The following CEP72 variants were observed in gnomAD, a reference collection of about 807,000 sequenced individuals.
The protein encoded by CEP72 is centrosomal protein 72.
CEP72 carries 78 observed loss-of-function variants against 65.7 expected under a neutral mutation model. The ratio of observed to expected loss-of-function variants is 1.19; its 90% CI spans 0.99 to 1.43. The LOEUF (loss-of-function observed/expected upper bound fraction) is 1.43, where lower values mean the gene tolerates loss of function less well. CEP72 is among the 40% of genes most tolerant of loss of function. CEP72 has a pLI of 0.00. For synonymous variants in CEP72, 358 were observed against 351.7 expected (o/e 1.02, Z -0.20); for missense variants, 914 against 832.9 (o/e 1.10, Z -1.20).
the CEP72 span, among the ~76,000 whole-genome samples, chr5:673,388 G>A: frequency 6.6e-6 from 1 of 152,162 alleles, no homozygotes; most frequent in Non-Finnish European, 1.5e-5. Flanking sequence ...ACAGTTTGAG[G>A]GTGGGAGAGA....
chr5:658,972 C>T (rs892361970), downstream of CEP72, among the ~76,000 whole-genome samples: 10 of 152,178 alleles, frequency 6.6e-5, no homozygotes, highest in African/African-American at 1.7e-4. Context: ...CCGGCCTCAG[C>T]GAAGCTGATT....
At chr5:639,354 T>C in intron 8 of CEP72, 130 bp downstream of exon 8, 1 of 1,074,688 alleles carries the variant, frequency 9.3e-7, no homozygotes, top group Non-Finnish European at 1.3e-6. Flanking sequence ...GAGCGTGTGG[T>C]GGTCCCGCGC....
chr5:658,817 C>T (rs569723943), downstream of CEP72, among the ~76,000 whole-genome samples: 8 of 151,574 alleles, frequency 5.3e-5, no homozygotes, highest in South Asian at 2.1e-4. Context: ...TACAGGCGCC[C>T]GCCACCACGC....
intron 8 of CEP72, among the ~76,000 whole-genome samples, 180 bp from the exon 9 acceptor site, chr5:640,228 C>A (rs767627132): frequency 5.3e-5 from 8 of 152,236 alleles, no homozygotes; most frequent in Non-Finnish European, 7.3e-5. Flanking sequence ...TCCCACCCTG[C>A]CCGTGTGTGG....
the CEP72 span, among the ~76,000 whole-genome samples, chr5:675,542 G>T: frequency 1.6e-5 from 2 of 123,946 alleles, no homozygotes; most frequent in Admixed American, 8.0e-5. Flanking sequence ...CGGGGATGCC[G>T]TGTGGCCGGG....
chr5:674,293 G>A, the CEP72 span, among the ~76,000 whole-genome samples: 172 of 131,656 alleles, frequency 1.3e-3, 1 homozygote, highest in East Asian at 0.026. Flanking sequence ...CAGGGCCCAG[G>A]AGCACGGGGC....
chr5:654,137 CTG>C (rs1264063051), downstream of CEP72, among the ~76,000 whole-genome samples: 15 of 134,484 alleles, frequency 1.1e-4, no homozygotes, highest in African/African-American at 4.1e-4. Flanking sequence ...TGTGTGCTAG[CTG>C]TGTGCGCTTG....
Position 627,934 on chromosome 5 carries a change from C to T in CEP72, c.512+3355C>T, listed in dbSNP as rs372634509. Among the ~76,000 whole-genome samples, 26 of 152,344 alleles carry T rather than the reference C, an allele frequency of 1.7e-4. 1 individual carries two copies. The highest frequency in any genetic ancestry group is 9.1e-4 in the Admixed American group (14 of 15,306). Reference sequence around the variant, plus strand: ...CGCCATTCACGCTGCTGACCGTGACCAGCGGCAACGTGTGGATGCACTTTC... The same window carrying T: ...CGCCATTCACGCTGCTGACCGTGACTAGCGGCAACGTGTGGATGCACTTTC... On this transcript the variant is annotated intron_variant, in intron 4 of 11. Coordinates refer to ENST00000264935, the MANE Select transcript of CEP72 (RefSeq NM_018140.4).
chr5:662,775 CCT>C (rs1739689928), intron 1 of CEP72: 1 of 152,494 alleles, frequency 6.6e-6, no homozygotes, highest in African/African-American at 2.4e-5. Flanking sequence ...GGGGAGCCAC[CCT>C]GTTTGGTGAC....
At chr5:615,453 T>C (rs1735934269) in intron 1 of CEP72, among the ~76,000 whole-genome samples, 1 of 152,192 alleles carries the variant, frequency 6.6e-6, no homozygotes, top group Admixed American at 6.5e-5. Context: ...TTTTTCCTGG[T>C]AATTTTCTTT....
chr5:656,786 C>G (rs1739390588), downstream of CEP72: 1 of 152,162 alleles, frequency 6.6e-6, no homozygotes, highest in Non-Finnish European at 1.5e-5. Flanking sequence ...CTTTTCTACA[C>G]TGGTCGGAAC....
In CEP72 at chr5:625,279, G is replaced by A. The variant is rs540876537; in HGVS notation, c.512+700G>A. On this transcript the variant is annotated intron_variant, in intron 4 of 11. Coordinates refer to ENST00000264935, the MANE Select transcript of CEP72 (RefSeq NM_018140.4). ...GTCTGCATAGCCGTGGAAAGTGGTC[G>A]GATTGTACACTTTCTTGAGTACCAT... Among the ~76,000 whole-genome samples the A allele has an allele frequency of 4.6e-5, 7 of 152,318 alleles. 1 individual carries two copies. The highest frequency in any genetic ancestry group is 3.4e-3 in the Middle Eastern group (1 of 294).
Position 644,406 on chromosome 5 carries a change from G to A in CEP72, c.1647G>A (p.Thr549=), listed in dbSNP as rs761861055. The A allele has an allele frequency of 5.6e-6, 9 of 1,613,830 alleles. No individual in the cohort carries two copies. The Admixed American group carries it at 1.2e-4, about 21-fold the overall frequency. The change falls in exon 10 of 12, where the codon ACG becomes ACA. Residue 549 remains threonine (T), a synonymous_variant. Coordinates refer to ENST00000264935, the MANE Select transcript of CEP72 (RefSeq NM_018140.4). ...TGAAGAGTGCAGACACTGCAGCCAC[G>A]TTAAATTTGCAGATCGCTGGTAAGT... ...KEVKSADTAA[T]LNLQIAGLQT...
chr5:648,281 G>A (rs1460326577), intron 11 of CEP72, among the ~76,000 whole-genome samples: 1 of 137,370 alleles, frequency 7.3e-6, no homozygotes, highest in African/African-American at 2.8e-5. Context: ...AGATGTGACT[G>A]TGAGGTGTGG....
chr5:659,591 C>A (rs1269056146), downstream of CEP72, among the ~76,000 whole-genome samples: 1 of 152,168 alleles, frequency 6.6e-6, no homozygotes, highest in African/African-American at 2.4e-5. Context: ...CATGTCCATT[C>A]CCCTTGAATC....
chr5:658,999 A>T (rs1289400025), downstream of CEP72, among the ~76,000 whole-genome samples: 1 of 152,186 alleles, frequency 6.6e-6, no homozygotes, highest in Non-Finnish European at 1.5e-5. Context: ...CCATCTCATT[A>T]GTTTAAATCT....
chr5:635,446 A>T lies in CEP72; in HGVS notation c.766A>T (p.Arg256Trp). Residue 256 changes from arginine (R) to tryptophan (W), a missense_variant, in exon 6 of 12, where the codon AGG becomes TGG. Transcript: ENST00000264935. Reference sequence around the variant, plus strand: ...CTCTGGGAAGCAGGGCCGTGAGACGAGGAGGAGCAGCTGCAGAGGGTGCTG... The same window carrying T: ...CTCTGGGAAGCAGGGCCGTGAGACGTGGAGGAGCAGCTGCAGAGGGTGCTG... ...GDSGKQGRET[R>W]RSSCRGCCLE... 1 of 1,614,112 alleles carries T rather than the reference A, an allele frequency of 6.2e-7. No individual in the cohort carries two copies. The highest frequency in any genetic ancestry group is 8.5e-7 in the Non-Finnish European group (1 of 1,179,972).
intron 9 of CEP72, chr5:641,212 G>T: frequency 1.0e-6 from 1 of 985,378 alleles, no homozygotes; most frequent in South Asian, 4.7e-5. Flanking sequence ...GGCCTCACGG[G>T]ACAGGATCCT....
chr5:674,336 G>A, the CEP72 span, among the ~76,000 whole-genome samples: 1 of 148,456 alleles, frequency 6.7e-6, no homozygotes, highest in Non-Finnish European at 1.5e-5. Context: ...ACCTGAGGGG[G>A]AGGAGGAGCA....
Sources: gnomAD v4.1 joint callset for allele counts (sites outside exome capture counted in the v4.1 genomes callset) on GRCh38, gnomAD v4.1.1 for gene constraint, MANE v1.5 for transcripts, NCBI Gene and HGNC (gene_info 2026-07-23, HGNC 2026-07-21) for gene names.